The following EOGT variants were observed in gnomAD, a reference collection of about 807,000 sequenced individuals.
EOGT encodes the protein EGF domain-specific O-linked N-acetylglucosamine transferase.
In EOGT, 55 loss-of-function variants were observed where a neutral mutation model predicts 70.5. The observed-to-expected ratio is 0.78, with a 90% confidence interval of 0.63 to 0.98. The LOEUF is 0.98. Among genes scored for constraint, EOGT ranks in the 50% least tolerant of loss-of-function variants. EOGT has a pLI of 0.00. For synonymous variants in EOGT, 246 were observed against 217.1 expected (o/e 1.13, Z -1.17); for missense variants, 703 against 641.9 (o/e 1.10, Z -1.03).
intron 14 of EOGT, among the ~76,000 whole-genome samples, chr3:68,987,064 C>T (rs1017337275): frequency 1.3e-5 from 2 of 152,168 alleles, no homozygotes; most frequent in Non-Finnish European, 2.9e-5. Context: ...GAGATTCTTC[C>T]AACTAAATCT....
Position 68,990,261 on chromosome 3 carries a change from T to G in EOGT, c.832-1244A>C, listed in dbSNP as rs2090952484. Among the ~76,000 whole-genome samples, 3 of 152,010 alleles carry G rather than the reference T, an allele frequency of 2.0e-5. No individual in the cohort carries two copies. The South Asian group carries it at 6.2e-4, about 32-fold the overall frequency. ...TTGCGAAGCAGCTGAGTTATAGAGC[T>G]GGTATTCAACCCAGCCTGTGCTGCC... On this transcript the variant is annotated intron_variant, in intron 10 of 17. Coordinates refer to ENST00000383701, the MANE Select transcript of EOGT (RefSeq NM_001278689.2).
In EOGT at chr3:69,001,596, G is replaced by T; in HGVS notation, c.727+12C>A. ...AACAAATACACAAATAACAGAAAAA[G>T]TTATTTCTCACCTGCATCTAATTTC... On this transcript the variant is annotated intron_variant, in intron 9 of 17. Coordinates refer to ENST00000383701, the MANE Select transcript of EOGT (RefSeq NM_001278689.2). The T allele has an allele frequency of 6.6e-7, 1 of 1,523,702 alleles. No homozygotes were observed. The highest frequency in any genetic ancestry group is 9.0e-7 in the Non-Finnish European group (1 of 1,108,050). The allele number at this position is 1,523,702 out of a possible 1,614,324, so 94.4% of individuals were successfully genotyped here. A position where few individuals can be genotyped will look rare whatever the true frequency, so the allele number is the denominator to read the frequency against.
At chr3:69,001,742 C>G in intron 8 of EOGT, 28 bp from the exon 9 acceptor site, 3 of 1,459,186 alleles carry the variant, frequency 2.1e-6, no homozygotes, top group Non-Finnish European at 2.9e-6. Flanking sequence ...GACATGACTT[C>G]AAACTGATTC....
chr3:68,987,575 T>C, intron 13 of EOGT, 62 bp from the exon 14 acceptor site: 1 of 1,226,234 alleles, frequency 8.2e-7, no homozygotes, highest in Admixed American at 1.9e-5. Context: ...AATGAACATC[T>C]GAACCCAAAA....
At chr3:69,002,723 T>C (rs958119421) in intron 8 of EOGT, among the ~76,000 whole-genome samples, 6 of 151,780 alleles carry the variant, frequency 4.0e-5, no homozygotes, top group Non-Finnish European at 1.5e-5. Flanking sequence ...GGTGCAATCA[T>C]AGCTCACTGC....
intron 8 of EOGT, among the ~76,000 whole-genome samples, chr3:69,003,097 C>T (rs916144829): frequency 6.6e-6 from 1 of 151,988 alleles, no homozygotes; most frequent in Non-Finnish European, 1.5e-5. Flanking sequence ...TCGCCCTCCC[C>T]GTCCTCCTCC....
chr3:68,996,080 A>G (rs1293154357), intron 10 of EOGT, among the ~76,000 whole-genome samples: 1 of 152,232 alleles, frequency 6.6e-6, no homozygotes, highest in Non-Finnish European at 1.5e-5. Flanking sequence ...ACTGATACAA[A>G]AAGAAGAAAA....
chr3:68,977,862 T>G lies in EOGT; in HGVS notation c.1438-98A>C, dbSNP rs569367413. On this transcript the variant is annotated intron_variant, in intron 17 of 17. Transcript: ENST00000383701. ...GTTACTTTGGTTAAGGCAACTAATT[T>G]ATGTTCTACATCAGAGACCAGCAAA... 20 of 1,260,096 alleles carry G rather than the reference T, an allele frequency of 1.6e-5. No homozygotes were observed. The South Asian group carries it at 3.0e-4, about 19-fold the overall frequency. 78.1% of individuals were successfully genotyped at this position (1,260,096 alleles called of 1,614,324 possible). A position where few individuals can be genotyped will look rare whatever the true frequency, so the allele number is the denominator to read the frequency against.
intron 15 of EOGT, among the ~76,000 whole-genome samples, chr3:68,980,788 C>T (rs1343754473): frequency 6.6e-6 from 1 of 152,214 alleles, no homozygotes; most frequent in South Asian, 2.1e-4. Flanking sequence ...GGTGAACATA[C>T]CCCTGCACTG....
intron 10 of EOGT, among the ~76,000 whole-genome samples, chr3:68,993,487 T>C (rs143619480): frequency 3.3e-5 from 5 of 152,326 alleles, no homozygotes; most frequent in African/African-American, 1.2e-4. Flanking sequence ...TTATTGTCCA[T>C]ATCACTATCA....
intron 14 of EOGT, among the ~76,000 whole-genome samples, chr3:68,987,240 T>C (rs2090836978): frequency 6.6e-6 from 1 of 152,190 alleles, no homozygotes; most frequent in South Asian, 2.1e-4. Context: ...AAATTTACTA[T>C]AAGGCAAAGC....
intron 17 of EOGT, 116 bp from the exon 18 acceptor site, chr3:68,977,880 C>G (rs1246918064): frequency 1.9e-6 from 2 of 1,069,208 alleles, no homozygotes; most frequent in Non-Finnish European, 2.6e-6. Flanking sequence ...ACATCAGAGA[C>G]CAGCAAACTT....
rs145494593 is a variant in EOGT, at chr3:69,009,238, T to G, written c.210+399A>C. Among the ~76,000 whole-genome samples the G allele has an allele frequency of 5.8e-3, 887 of 152,286 alleles. 8 individuals are homozygous for G. Among genetic ancestry groups the G allele is most frequent in the Middle Eastern group, 0.037 (11 of 294 alleles). ...AAGAAAGCCACAGTAACAGGCTTAA[T>G]TATGTGGAGACAGAGGCTGAGGTGT... On this transcript the variant is annotated intron_variant, in intron 4 of 17. Transcript: ENST00000383701.
intron 10 of EOGT, among the ~76,000 whole-genome samples, chr3:68,997,401 C>A (rs976977268): frequency 4.0e-5 from 6 of 148,626 alleles, no homozygotes; most frequent in African/African-American, 1.5e-4. Flanking sequence ...CAGAGTCTTG[C>A]TCTGTCACCC....
intron 14 of EOGT, among the ~76,000 whole-genome samples, chr3:68,983,306 C>T (rs969983715): frequency 6.6e-6 from 1 of 152,218 alleles, no homozygotes; most frequent in Non-Finnish European, 1.5e-5. Context: ...TTTGCCCCAT[C>T]CATTATCTCA....
chr3:68,990,346 T>C (rs943041681), intron 10 of EOGT, among the ~76,000 whole-genome samples: 2 of 135,072 alleles, frequency 1.5e-5, no homozygotes, highest in African/African-American at 5.5e-5. Context: ...AATTACCACA[T>C]GCTTTTTTTT....
At chr3:68,995,381 C>G (rs776243018) in intron 10 of EOGT, among the ~76,000 whole-genome samples, 1 of 152,164 alleles carries the variant, frequency 6.6e-6, no homozygotes, top group Non-Finnish European at 1.5e-5. Flanking sequence ...GACCAAGCGT[C>G]CGGGTTTAAA....
chr3:68,981,557 A>G (rs2090640516), intron 15 of EOGT, among the ~76,000 whole-genome samples: 1 of 152,184 alleles, frequency 6.6e-6, no homozygotes, highest in Non-Finnish European at 1.5e-5. Flanking sequence ...ATACTGCTTG[A>G]CTTTTCAACC....
chr3:69,003,131 C>A (rs1209766408), intron 8 of EOGT, among the ~76,000 whole-genome samples: 1 of 152,146 alleles, frequency 6.6e-6, no homozygotes, highest in Non-Finnish European at 1.5e-5. Flanking sequence ...TACCTACATA[C>A]CCGCACCTAC....
Sources: gnomAD v4.1 joint callset for allele counts (sites outside exome capture counted in the v4.1 genomes callset) on GRCh38, gnomAD v4.1.1 for gene constraint, MANE v1.5 for transcripts, NCBI Gene and HGNC (gene_info 2026-07-23, HGNC 2026-07-21) for gene names.